ASTN1: variants seen among roughly 807,000 people sequenced by gnomAD.
ASTN1 encodes astrotactin-1.
A neutral mutation model predicts 140.7 loss-of-function variants in ASTN1; 41 were observed. That is an observed-to-expected ratio of 0.29 (90% CI 0.23 to 0.38). The LOEUF (loss-of-function observed/expected upper bound fraction) is 0.38, where lower values mean the gene tolerates loss of function less well. Among genes scored for constraint, ASTN1 ranks in the 10% least tolerant of loss-of-function variants. ASTN1 has a pLI of 1.00. For missense variants in ASTN1, 1,479 were observed against 1,678.8 expected (o/e 0.88, Z 2.08); for synonymous variants, 640 against 652.2 (o/e 0.98, Z 0.29).
intron 17 of ASTN1, among the ~76,000 whole-genome samples, chr1:176,890,899 C>T (rs967886078): frequency 2.0e-5 from 3 of 151,990 alleles, no homozygotes; most frequent in African/African-American, 7.3e-5. Flanking sequence ...TGGTGGCGGG[C>T]GCCTGTAATC....
intron 20 of ASTN1, among the ~76,000 whole-genome samples, chr1:176,877,923 T>C (rs1668630622): frequency 6.6e-6 from 1 of 152,044 alleles, no homozygotes; most frequent in South Asian, 2.1e-4. Flanking sequence ...TATAGATAAT[T>C]GCTTAATGAT....
chr1:176,924,065 C>G (rs1025399170), intron 16 of ASTN1, among the ~76,000 whole-genome samples: 2 of 152,142 alleles, frequency 1.3e-5, no homozygotes, highest in Admixed American at 6.5e-5. Flanking sequence ...ATTTCCATGG[C>G]CAGCCCAGTT....
At chr1:177,065,839 CA>C (rs1176966705) in intron 1 of ASTN1, among the ~76,000 whole-genome samples, 1 of 152,132 alleles carries the variant, frequency 6.6e-6, no homozygotes, top group Admixed American at 6.6e-5. Context: ...AGAATGATTA[CA>C]AAGACCCCGA....
intron 1 of ASTN1, among the ~76,000 whole-genome samples, chr1:177,112,420 G>A (rs758762155): frequency 9.2e-5 from 14 of 152,198 alleles, no homozygotes; most frequent in Non-Finnish European, 1.8e-4. Flanking sequence ...TGCCTGCCAC[G>A]AGGAGGAGTT....
At chr1:176,997,439 C>T (rs944319926) in intron 8 of ASTN1, among the ~76,000 whole-genome samples, 1 of 151,986 alleles carries the variant, frequency 6.6e-6, no homozygotes, top group Non-Finnish European at 1.5e-5. Flanking sequence ...ATGGATAAGA[C>T]CCTAGAGGAC....
intron 16 of ASTN1, among the ~76,000 whole-genome samples, chr1:176,909,860 T>C (rs918095630): frequency 1.3e-5 from 2 of 152,020 alleles, no homozygotes; most frequent in Admixed American, 6.6e-5. Flanking sequence ...CACAGAAAAA[T>C]ACAGAAAATA....
intron 1 of ASTN1, among the ~76,000 whole-genome samples, chr1:177,133,067 C>T (rs530578421): frequency 4.6e-5 from 7 of 152,236 alleles, no homozygotes; most frequent in Middle Eastern, 3.4e-3. Flanking sequence ...TCTAATATTT[C>T]GACATAATAT....
intron 5 of ASTN1, among the ~76,000 whole-genome samples, chr1:177,025,073 T>G (rs2101960667): frequency 6.6e-6 from 1 of 152,240 alleles, no homozygotes; most frequent in Non-Finnish European, 1.5e-5. Flanking sequence ...TTGCCAAGGG[T>G]GGGCGGGATG....
chr1:177,060,986 G>T, intron 2 of ASTN1, 92 bp downstream of exon 2: 1 of 1,230,116 alleles, frequency 8.1e-7, no homozygotes, highest in South Asian at 2.5e-5. Flanking sequence ...TACAGAGTTA[G>T]GTCTGATAGA....
At chr1:176,933,130 T>TAAGA (rs1298740830) in intron 16 of ASTN1, among the ~76,000 whole-genome samples, 2 of 152,172 alleles carry the variant, frequency 1.3e-5, no homozygotes, top group Non-Finnish European at 2.9e-5. Context: ...AAATCTCTTG[T>TAAGA]TTCTTCTGGG....
chr1:177,062,015 C>T (rs373377824), intron 1 of ASTN1, among the ~76,000 whole-genome samples: 1 of 152,096 alleles, frequency 6.6e-6, no homozygotes, highest in East Asian at 1.9e-4. Flanking sequence ...TAGCAAAATA[C>T]GAAAACTGAC....
chr1:177,112,098 C>A (rs1680848538), intron 1 of ASTN1, among the ~76,000 whole-genome samples: 1 of 152,200 alleles, frequency 6.6e-6, no homozygotes, highest in African/African-American at 2.4e-5. Context: ...TGACCCTCCT[C>A]TATATGTGCA....
chr1:176,946,556 C>A (rs182747897), intron 12 of ASTN1, among the ~76,000 whole-genome samples: 22 of 152,322 alleles, frequency 1.4e-4, no homozygotes, highest in Admixed American at 9.2e-4. Context: ...AGGAATGACA[C>A]CATGCTTAAG....
At chr1:176,992,604 T>A (rs1674241555) in intron 8 of ASTN1, among the ~76,000 whole-genome samples, 1 of 152,196 alleles carries the variant, frequency 6.6e-6, no homozygotes, top group African/African-American at 2.4e-5. Context: ...TTGTCTCCCT[T>A]CCTTTCTTTC....
chr1:176,862,242 C>A lies in ASTN1; in HGVS notation c.*2042G>T. On this transcript the variant is annotated 3_prime_UTR_variant, in exon 23 of 23. Coordinates refer to ENST00000361833, the MANE Select transcript of ASTN1 (RefSeq NM_004319.3). ...AGTAGGGGAATCTCTGAGGCAGGTG[C>A]ATTAGAGAGTTTGAAATAAATCCTT... is the stretch of plus-strand genomic sequence containing the variant. 1 of 985,348 alleles carries A rather than the reference C, an allele frequency of 1.0e-6. No homozygotes were observed. Among genetic ancestry groups the A allele is most frequent in the South Asian group, 4.7e-5 (1 of 21,278 alleles). 61.0% of individuals were successfully genotyped at this position (985,348 alleles called of 1,614,324 possible). A position where few individuals can be genotyped will look rare whatever the true frequency, so the allele number is the denominator to read the frequency against.
chr1:177,114,047 T>C (rs1452588058), intron 1 of ASTN1, among the ~76,000 whole-genome samples: 1 of 152,136 alleles, frequency 6.6e-6, no homozygotes, highest in Admixed American at 6.5e-5. Flanking sequence ...CTGACTTAAA[T>C]ATCATTCAAG....
chr1:176,949,548 C>G (rs1385012078), intron 11 of ASTN1, among the ~76,000 whole-genome samples, 197 bp from the exon 12 acceptor site: 1 of 152,222 alleles, frequency 6.6e-6, no homozygotes, highest in Non-Finnish European at 1.5e-5. Flanking sequence ...TTCTTCTTCT[C>G]TCTAGACACT....
chr1:176,894,632 T>C lies in ASTN1; in HGVS notation c.2870A>G (p.Glu957Gly). 3 of 1,614,084 alleles carry C rather than the reference T, an allele frequency of 1.9e-6. No homozygotes were observed. The highest frequency in any genetic ancestry group is 2.5e-6 in the Non-Finnish European group (3 of 1,180,016). Residue 957 changes from glutamate to glycine, a missense_variant, in exon 17 of 23, where the codon GAG becomes GGG. By Grantham distance (98) the Glu-to-Gly change is moderately conservative. Around this residue, in one of 3 missense-constraint regions of ASTN1, gnomAD observed 746 missense variants for 800.9 expected, o/e 0.93. Transcript: ENST00000361833. ...TTTGGTCACCTCCAGCAGAACCGGC[T>C]CAGCAGGGGTGTCAGGGCTGGATGT... ...HVTSSPDTPA[E>G]PVLLEVTKAA...
At chr1:176,886,374 A>C (rs1371798831) in intron 18 of ASTN1, among the ~76,000 whole-genome samples, 1 of 152,264 alleles carries the variant, frequency 6.6e-6, no homozygotes, top group Non-Finnish European at 1.5e-5. Flanking sequence ...CCACCTGATA[A>C]CATTTGGTAG....
Sources: allele counts gnomAD v4.1 joint callset (sites outside exome capture counted in the v4.1 genomes callset), GRCh38; gene constraint gnomAD v4.1.1; regional missense constraint gnomAD v4.1.1; transcripts MANE v1.5; gene names NCBI Gene and HGNC (gene_info 2026-07-23, HGNC 2026-07-21).